The following EXOC4 variants were observed in gnomAD, a reference collection of about 807,000 sequenced individuals.
EXOC4 encodes SEC8-like 1.
Under a neutral mutation model 107.2 loss-of-function variants are expected in EXOC4, and 71 were observed. The ratio of observed to expected loss-of-function variants is 0.66; its 90% CI spans 0.55 to 0.81. The LOEUF is 0.81. EXOC4 is among the 30% of genes least tolerant of loss of function. The pLI, the probability that EXOC4 is intolerant of heterozygous loss-of-function variation, is 0.00. For synonymous variants in EXOC4, 456 were observed against 441.2 expected, an observed-to-expected ratio of 1.03 and a Z score of -0.42; for missense variants, 1,108 against 1,189.6, an observed-to-expected ratio of 0.93 and a Z score of 1.01.
intron 9 of EXOC4, among the ~76,000 whole-genome samples, chr7:133,568,591 T>G (rs1800956685): frequency 6.6e-6 from 1 of 152,222 alleles, no homozygotes. Flanking sequence ...GACTTCACTA[T>G]TTCAACCAGT....
intron 2 of EXOC4, among the ~76,000 whole-genome samples, chr7:133,279,268 C>T (rs897528533): frequency 1.6e-4 from 24 of 152,042 alleles, no homozygotes; most frequent in African/African-American, 4.6e-4. Context: ...TGAATAGTGC[C>T]GCAATAAACA....
chr7:133,838,784 CTGTT>C (rs1203513081), intron 11 of EXOC4, among the ~76,000 whole-genome samples: 4 of 152,202 alleles, frequency 2.6e-5, no homozygotes, highest in African/African-American at 7.2e-5. Context: ...TATATCGTCT[CTGTT>C]TGATTGTGCC....
At position 133,544,998 on chromosome 7, in the gene EXOC4, G is replaced by C. The variant is rs938709184; in HGVS notation, c.1417+64860G>C. Reference sequence around the variant, plus strand: ...TCACTTTGGGCCTTTAAAAGCATATGTGTGTGTACGTATGTATGTGTGTAT... The same window carrying C: ...TCACTTTGGGCCTTTAAAAGCATATCTGTGTGTACGTATGTATGTGTGTAT... On this transcript the variant is annotated intron_variant, in intron 9 of 17. Transcript: ENST00000253861. 4.6e-5 allele frequency among the ~76,000 whole-genome samples: 7 copies of C among 151,894 alleles called. 1 individual carries two copies. Among genetic ancestry groups the C allele is most frequent in the African/African-American group, 1.7e-4 (7 of 41,386 alleles).
At chr7:133,414,368 G>A (rs1797427543) in intron 7 of EXOC4, among the ~76,000 whole-genome samples, 1 of 152,184 alleles carries the variant, frequency 6.6e-6, no homozygotes, top group African/African-American at 2.4e-5. Context: ...TATTACTGAT[G>A]AGAATAAATT....
chr7:133,863,989 T>C (rs1056958418), intron 11 of EXOC4, among the ~76,000 whole-genome samples: 1 of 152,210 alleles, frequency 6.6e-6, no homozygotes, highest in Admixed American at 6.5e-5. Context: ...ATGTTGATTC[T>C]GGAATTTGTT....
At chr7:133,486,446 T>G (rs1030203397) in intron 9 of EXOC4, among the ~76,000 whole-genome samples, 1 of 152,184 alleles carries the variant, frequency 6.6e-6, no homozygotes, top group African/African-American at 2.4e-5. Flanking sequence ...TGAAGTGAGG[T>G]GCATTATTTT....
intron 10 of EXOC4, among the ~76,000 whole-genome samples, chr7:133,725,979 A>T (rs758437922): frequency 1.3e-5 from 2 of 152,220 alleles, no homozygotes; most frequent in African/African-American, 4.8e-5. Context: ...GTTGCTATTC[A>T]CTGTGATGGG....
intron 17 of EXOC4, among the ~76,000 whole-genome samples, chr7:134,046,630 G>A (rs1795660778): frequency 6.6e-6 from 1 of 151,642 alleles, no homozygotes; most frequent in African/African-American, 2.4e-5. Flanking sequence ...CCTGAGCCCG[G>A]GAGACCTTTC....
In EXOC4 at chr7:133,579,836, G is replaced by A. The variant is rs528972932; in HGVS notation, c.1418-50209G>A. Among the ~76,000 whole-genome samples, 34 of 152,098 alleles carry A rather than the reference G, an allele frequency of 2.2e-4. No individual in the cohort carries two copies. The South Asian group carries it at 2.9e-3, about 13-fold the overall frequency. ...TGAGTAGCTGGGACTACAGGCACGC[G>A]CCACCACGCCCAGCTAATTTTTTGT... On this transcript the variant is annotated intron_variant, in intron 9 of 17. Coordinates refer to ENST00000253861, the MANE Select transcript of EXOC4 (RefSeq NM_021807.4).
At chr7:133,325,619 C>G (rs1795220248) in intron 5 of EXOC4, among the ~76,000 whole-genome samples, 1 of 152,168 alleles carries the variant, frequency 6.6e-6, no homozygotes, top group South Asian at 2.1e-4. Flanking sequence ...GGTAACCCGA[C>G]CTTTCTCTCT....
intron 10 of EXOC4, among the ~76,000 whole-genome samples, chr7:133,800,465 A>G (rs528808365): frequency 6.6e-6 from 1 of 152,322 alleles, no homozygotes; most frequent in East Asian, 1.9e-4. Flanking sequence ...GATGCTCTGA[A>G]TGAAAAATTC....
intron 11 of EXOC4, among the ~76,000 whole-genome samples, chr7:133,823,874 A>ATATATATATATATATATAT (rs1797614629): frequency 4.4e-4 from 4 of 9,080 alleles, no homozygotes; most frequent in Non-Finnish European, 3.3e-4. Context: ...TATATATATT[A>ATATATATATATATATATAT]TATATATATA....
At chr7:133,971,361 TAGAGAGAGAGAGAGAGAG>T (rs1186165891) in intron 14 of EXOC4, among the ~76,000 whole-genome samples, 6 of 75,090 alleles carry the variant, frequency 8.0e-5, no homozygotes, top group Middle Eastern at 6.6e-3. Flanking sequence ...TATATATATA[TAGAGAGAGAGAGAGAGAG>T]AGAGAGAGAG....
intron 9 of EXOC4, among the ~76,000 whole-genome samples, chr7:133,575,730 C>T (rs1347421553): frequency 3.9e-5 from 6 of 152,272 alleles, no homozygotes; most frequent in African/African-American, 1.4e-4. Context: ...CCCTGATGCC[C>T]AGTGGTATAC....
chr7:133,735,479 A>G (rs1795425528), intron 10 of EXOC4, among the ~76,000 whole-genome samples: 1 of 152,074 alleles, frequency 6.6e-6, no homozygotes, highest in African/African-American at 2.4e-5. Context: ...GATTAGTTGC[A>G]TTAGAAGATT....
intron 11 of EXOC4, among the ~76,000 whole-genome samples, chr7:133,856,018 G>C (rs541541269): frequency 3.3e-5 from 5 of 152,268 alleles, no homozygotes; most frequent in Admixed American, 1.3e-4. Context: ...TGCCAGGAAG[G>C]TTAAAAGATC....
chr7:133,343,292 C>T (rs1193229982), intron 5 of EXOC4, among the ~76,000 whole-genome samples: 1 of 152,058 alleles, frequency 6.6e-6, no homozygotes, highest in Non-Finnish European at 1.5e-5. Flanking sequence ...TGTTATTGCT[C>T]TTCTGGGTCT....
At chr7:133,669,052 C>A (rs1210716066) in intron 10 of EXOC4, among the ~76,000 whole-genome samples, 1 of 126,794 alleles carries the variant, frequency 7.9e-6, no homozygotes, top group African/African-American at 2.8e-5. Flanking sequence ...ATTCTATTTA[C>A]TTCCCTTTCT....
intron 9 of EXOC4, among the ~76,000 whole-genome samples, chr7:133,547,581 C>T (rs913397753): frequency 5.3e-5 from 8 of 152,200 alleles, no homozygotes; most frequent in East Asian, 1.9e-4. Flanking sequence ...TCCCCTCAAA[C>T]GCTGTCACTG....
Sources: gnomAD v4.1 joint callset for allele counts (sites outside exome capture counted in the v4.1 genomes callset) on GRCh38, gnomAD v4.1.1 for gene constraint, MANE v1.5 for transcripts, NCBI Gene and HGNC (gene_info 2026-07-23, HGNC 2026-07-21) for gene names.